LHFPL2: variants seen among roughly 807,000 people sequenced by gnomAD.
The protein encoded by LHFPL2 is LHFPL tetraspan subfamily member 2, also known as LHFPL tetraspan subfamily member 2 protein.
A neutral mutation model predicts 17.5 loss-of-function variants in LHFPL2; 7 were observed. The observed-to-expected ratio is 0.40, with a 90% CI of 0.23 to 0.75. The LOEUF (loss-of-function observed/expected upper bound fraction) is 0.75. Among genes scored for constraint, LHFPL2 ranks in the 30% least tolerant of loss-of-function variants. The probability of loss-of-function intolerance (pLI) is 0.37; values close to 1 mark genes in which losing one functional copy is unlikely to be tolerated. For missense variants in LHFPL2, 241 were observed against 294.8 expected, an observed-to-expected ratio of 0.82 and a Z score of 1.34; for synonymous variants, 134 against 116.2, an observed-to-expected ratio of 1.15 and a Z score of -0.99.
At chr5:78,570,990 G>C (rs189767964) in intron 2 of LHFPL2, among the ~76,000 whole-genome samples, 16 of 152,250 alleles carry the variant, frequency 1.1e-4, no homozygotes, top group Admixed American at 1.0e-3. Flanking sequence ...ATTAAAACTA[G>C]AAGACAAGAC....
At chr5:78,576,049 A>C (rs1268332372) in intron 2 of LHFPL2, among the ~76,000 whole-genome samples, 1 of 152,200 alleles carries the variant, frequency 6.6e-6, no homozygotes, top group Non-Finnish European at 1.5e-5. Flanking sequence ...TAATCCCAGC[A>C]CTTTGGGAGG....
At chr5:78,610,027 G>C (rs1354010136) in intron 2 of LHFPL2, among the ~76,000 whole-genome samples, 1 of 152,064 alleles carries the variant, frequency 6.6e-6, no homozygotes, top group Admixed American at 6.5e-5. Flanking sequence ...AACCTGCCGG[G>C]GGATCAGAGT....
At chr5:78,553,087 A>G (rs1017493341) in intron 3 of LHFPL2, among the ~76,000 whole-genome samples, 2 of 152,204 alleles carry the variant, frequency 1.3e-5, no homozygotes, top group African/African-American at 4.8e-5. Flanking sequence ...TGTGGAAGAA[A>G]TGGTAAAAGC....
At chr5:78,491,926 A>C (rs926363659) in intron 4 of LHFPL2, among the ~76,000 whole-genome samples, 1 of 152,226 alleles carries the variant, frequency 6.6e-6, no homozygotes, top group African/African-American at 2.4e-5. Flanking sequence ...TACTCTTGAA[A>C]AAATATTCTC....
chr5:78,578,380 A>C (rs1757185741), intron 2 of LHFPL2, among the ~76,000 whole-genome samples: 1 of 152,270 alleles, frequency 6.6e-6, no homozygotes, highest in East Asian at 1.9e-4. Context: ...TGCCAGTTAA[A>C]GGATCTAAAT....
intron 3 of LHFPL2, among the ~76,000 whole-genome samples, chr5:78,531,799 C>T (rs1422023194): frequency 6.6e-6 from 1 of 152,182 alleles, no homozygotes. Flanking sequence ...CTCGATCTGT[C>T]TCTCAAGCTG....
chr5:78,561,044 T>C (rs1756712371), intron 3 of LHFPL2, among the ~76,000 whole-genome samples: 1 of 152,218 alleles, frequency 6.6e-6, no homozygotes, highest in Admixed American at 6.5e-5. Flanking sequence ...ATAAAAATTA[T>C]TAATGGAATT....
intron 2 of LHFPL2, among the ~76,000 whole-genome samples, chr5:78,570,436 GGT>G (rs976438154): frequency 6.6e-6 from 1 of 151,838 alleles, no homozygotes; most frequent in Non-Finnish European, 1.5e-5. Context: ...TCCTCCAGTG[GGT>G]GTGTTTCCAA....
At position 78,488,863 on chromosome 5, in the gene LHFPL2, A is replaced by G. The variant is rs769943164; in HGVS notation, c.*34T>C. On this transcript the variant is annotated 3_prime_UTR_variant, in exon 5 of 5. Coordinates refer to ENST00000380345, the MANE Select transcript of LHFPL2 (RefSeq NM_005779.3). ...AAACTGTGGACTGTTTCACAAGATT[A>G]CTCAAGGGAGAAAATGGCATTGTCT... 5 of 1,608,020 alleles carry G rather than the reference A, an allele frequency of 3.1e-6. No homozygotes were observed. The highest frequency in any genetic ancestry group is 1.7e-6 in the Non-Finnish European group (2 of 1,177,118).
chr5:78,638,076 C>T (rs569594905), intron 1 of LHFPL2, among the ~76,000 whole-genome samples: 37 of 152,264 alleles, frequency 2.4e-4, no homozygotes, highest in Middle Eastern at 3.4e-3. Context: ...CAATAAGGGC[C>T]GGGCGTGGTG....
chr5:78,551,935 A>C (rs1193124171), intron 3 of LHFPL2, among the ~76,000 whole-genome samples: 1 of 152,118 alleles, frequency 6.6e-6, no homozygotes, highest in Admixed American at 6.5e-5. Context: ...AGGTTTCCCC[A>C]CTCAAGCTAT....
chr5:78,621,067 A>G (rs1744837234), intron 2 of LHFPL2, among the ~76,000 whole-genome samples: 1 of 151,852 alleles, frequency 6.6e-6, no homozygotes, highest in African/African-American at 2.4e-5. Flanking sequence ...TCCCAGGTAA[A>G]ACCATCATTC....
intron 3 of LHFPL2, 98 bp from the exon 4 acceptor site, chr5:78,510,496 C>A: frequency 4.7e-6 from 2 of 423,114 alleles, no homozygotes; most frequent in Non-Finnish European, 8.5e-6. Flanking sequence ...GCCCGCAGAA[C>A]CCTGCCAGCA....
intron 2 of LHFPL2, among the ~76,000 whole-genome samples, chr5:78,569,431 C>T (rs776148856): frequency 6.6e-6 from 1 of 152,166 alleles, no homozygotes; most frequent in Non-Finnish European, 1.5e-5. Context: ...AGAGCACTCC[C>T]CATTTCTGCA....
chr5:78,578,629 G>A (rs181907762), intron 2 of LHFPL2, among the ~76,000 whole-genome samples: 2 of 147,386 alleles, frequency 1.4e-5, no homozygotes, highest in African/African-American at 2.5e-5. Flanking sequence ...ACAGAGACAG[G>A]TCATATGTAT....
intron 3 of LHFPL2, 44 bp downstream of exon 3, chr5:78,564,769 C>G (rs1756816602): frequency 6.6e-6 from 1 of 152,128 alleles, no homozygotes. Flanking sequence ...AAATTGTTTC[C>G]AAATAATCAC....
At chr5:78,587,938 G>T (rs756859597) in intron 2 of LHFPL2, among the ~76,000 whole-genome samples, 1 of 152,192 alleles carries the variant, frequency 6.6e-6, no homozygotes, top group African/African-American at 2.4e-5. Flanking sequence ...GGCAAGTGAG[G>T]TCCCAGGGCC....
At chr5:78,615,343 A>G (rs1744562934) in intron 2 of LHFPL2, among the ~76,000 whole-genome samples, 2 of 152,168 alleles carry the variant, frequency 1.3e-5, no homozygotes, top group African/African-American at 4.8e-5. Flanking sequence ...AAGGAAGATG[A>G]AAAAAAGGAA....
At chr5:78,571,886 T>C (rs1243978193) in intron 2 of LHFPL2, among the ~76,000 whole-genome samples, 1 of 152,240 alleles carries the variant, frequency 6.6e-6, no homozygotes, top group African/African-American at 2.4e-5. Context: ...TCCACTAGGA[T>C]GTAAGCTCCC....
Sources: gnomAD v4.1 joint callset for allele counts (sites outside exome capture counted in the v4.1 genomes callset) on GRCh38, gnomAD v4.1.1 for gene constraint, MANE v1.5 for transcripts, NCBI Gene and HGNC (gene_info 2026-07-23, HGNC 2026-07-21) for gene names.